Variants in DNAI7 observed in about 807,000 individuals in gnomAD.
DNAI7 encodes the protein dynein axonemal intermediate chain 7.
DNAI7 carries 78 observed loss-of-function variants against 86.6 expected under a neutral mutation model. That is an observed-to-expected ratio of 0.90 (90% CI 0.75 to 1.09). The LOEUF (loss-of-function observed/expected upper bound fraction) is 1.09, where lower values mean the gene tolerates loss of function less well. Ranked by LOEUF, DNAI7 falls within the 50% of genes least tolerant of loss-of-function variation. DNAI7 has a pLI of 0.00. For missense variants in DNAI7, 753 were observed against 810.2 expected, an observed-to-expected ratio of 0.93 and a Z score of 0.86; for synonymous variants, 274 against 273.0, an observed-to-expected ratio of 1.00 and a Z score of -0.04.
intron 2 of DNAI7, among the ~76,000 whole-genome samples, chr12:25,190,009 G>A (rs10842500): frequency 0.23 from 2,172 of 9,348 alleles, 97 homozygotes; most frequent in African/African-American, 0.42. Context: ...AAAAAAAAAA[G>A]CACTTCTAAG....
At chr12:25,111,259 G>A (rs1467088858) in intron 14 of DNAI7, among the ~76,000 whole-genome samples, 1 of 152,192 alleles carries the variant, frequency 6.6e-6, no homozygotes, top group East Asian at 1.9e-4. Context: ...ATTAAGAAAT[G>A]ACCCCCATCC....
intron 12 of DNAI7, 83 bp downstream of exon 12, chr12:25,119,062 A>C: frequency 9.1e-7 from 1 of 1,101,482 alleles, no homozygotes; most frequent in Non-Finnish European, 1.3e-6. Flanking sequence ...TAGTAAGCTC[A>C]GTTAATACAC....
At chr12:25,164,575 A>G (rs1947218521) in intron 2 of DNAI7, among the ~76,000 whole-genome samples, 1 of 152,082 alleles carries the variant, frequency 6.6e-6, no homozygotes, top group Non-Finnish European at 1.5e-5. Context: ...GGCAGTTTCA[A>G]TTTTTCCATC....
At position 25,111,845 on chromosome 12, in the gene DNAI7, A is replaced by G. The variant is rs1938893551; in HGVS notation, c.1706T>C (p.Ile569Thr). The change falls in exon 14 of 16, where the codon ATT becomes ACT. Residue 569 changes from isoleucine to threonine, a missense_variant. Coordinates refer to ENST00000395987, the MANE Select transcript of DNAI7 (RefSeq NM_018272.5). Reference sequence around the variant, plus strand: ...ATTCAGTCCAGCTTCTTTCAAAGCAATAATGAAAGGAATAGGAGTCATCCA... The same window carrying G: ...ATTCAGTCCAGCTTCTTTCAAAGCAGTAATGAAAGGAATAGGAGTCATCCA... ...GTWMTPIPFI[I>T]ALKEAGLNIF... The G allele has an allele frequency of 1.2e-6, 2 of 1,604,288 alleles. No individual in the cohort carries two copies. The highest frequency in any genetic ancestry group is 2.2e-5 in the East Asian group (1 of 44,614).
chr12:25,118,368 A>G (rs946683344), intron 12 of DNAI7, among the ~76,000 whole-genome samples: 6 of 151,068 alleles, frequency 4.0e-5, no homozygotes, highest in Non-Finnish European at 7.4e-5. Flanking sequence ...GGATCAAGCT[A>G]TTCTCCTGCC....
chr12:25,131,277 G>GT (rs1470572684), intron 9 of DNAI7, among the ~76,000 whole-genome samples: 5 of 151,986 alleles, frequency 3.3e-5, no homozygotes, highest in African/African-American at 1.2e-4. Flanking sequence ...AGACAAAAAA[G>GT]TTGAGTATCA....
chr12:25,173,341 T>A (rs1164238798), intron 2 of DNAI7, among the ~76,000 whole-genome samples: 1 of 151,774 alleles, frequency 6.6e-6, no homozygotes, highest in African/African-American at 2.4e-5. Flanking sequence ...AATAAACATA[T>A]GAAAAAATGC....
At chr12:25,157,850 T>G (rs571555133) in intron 4 of DNAI7, among the ~76,000 whole-genome samples, 245 of 147,232 alleles carry the variant, frequency 1.7e-3, no homozygotes, top group Middle Eastern at 7.3e-3. Context: ...TTTTTTTTTT[T>G]TTGTTCCTGT....
At chr12:25,192,407 G>A (rs1950607234) in intron 1 of DNAI7, among the ~76,000 whole-genome samples, 1 of 152,206 alleles carries the variant, frequency 6.6e-6, no homozygotes, top group East Asian at 1.9e-4. Flanking sequence ...TCAAAGTTCA[G>A]AGGGCATAAG....
intron 2 of DNAI7, among the ~76,000 whole-genome samples, chr12:25,187,290 C>A (rs1255352163): frequency 6.6e-6 from 1 of 152,110 alleles, no homozygotes; most frequent in Non-Finnish European, 1.5e-5. Context: ...ATACTCATTC[C>A]CCCAGGTAAT....
In DNAI7 at chr12:25,111,783, T is replaced by C. The variant is rs761728350; in HGVS notation, c.1768A>G (p.Ile590Val). Residue 590 changes from isoleucine to valine, a missense_variant, in exon 14 of 16, where the codon ATA (isoleucine) becomes GTA (valine). Transcript: ENST00000395987. Reference protein sequence around the residue: ...PTRHSHFYVIINNKVPLVEVK... With the variant: ...PTRHSHFYVIVNNKVPLVEVK... Reference sequence around the variant, plus strand: ...AGATTCATTCTTGCCTTATTGTTTATAATAACATAAAAATGAGAGTGTCTA... The same window carrying C: ...AGATTCATTCTTGCCTTATTGTTTACAATAACATAAAAATGAGAGTGTCTA... The C allele has an allele frequency of 2.5e-6, 4 of 1,580,508 alleles. No individual in the cohort carries two copies. The highest frequency in any genetic ancestry group is 1.4e-5 in the African/African-American group (1 of 73,328).
intron 11 of DNAI7, among the ~76,000 whole-genome samples, chr12:25,121,198 G>A (rs1041968260): frequency 6.6e-6 from 1 of 152,174 alleles, no homozygotes; most frequent in Non-Finnish European, 1.5e-5. Flanking sequence ...TGATGCCAGA[G>A]GATGCTGATG....
At chr12:25,129,040 C>A (rs1216989712) in intron 9 of DNAI7, among the ~76,000 whole-genome samples, 1 of 152,186 alleles carries the variant, frequency 6.6e-6, no homozygotes, top group African/African-American at 2.4e-5. Context: ...TTGCTTCTTG[C>A]CCATCATACA....
rs138700755 is a variant in DNAI7, at chr12:25,165,828, C to T, written c.22-4631G>A. Among the ~76,000 whole-genome samples the T allele has an allele frequency of 4.4e-3, 666 of 152,316 alleles. 6 individuals are homozygous for T. Among genetic ancestry groups the T allele is most frequent in the African/African-American group, 0.015 (637 of 41,560 alleles). On this transcript the variant is annotated intron_variant, in intron 2 of 15. Coordinates refer to ENST00000395987, the MANE Select transcript of DNAI7 (RefSeq NM_018272.5). ...GGCTTCTAAACCTCTTAAAACTCCC[C>T]AACTCTGGTGCTAATTTAGACAGTA...
rs528024405 is a variant in DNAI7, at chr12:25,118,794, G to C, written c.1396+351C>G. 1.7e-4 allele frequency among the ~76,000 whole-genome samples: 26 copies of C among 152,286 alleles called. No homozygotes were observed. The East Asian group carries it at 4.8e-3, about 28-fold the overall frequency. On this transcript the variant is annotated intron_variant, in intron 12 of 15. Transcript: ENST00000395987. ...TTGCCCAGGCTGGTCTTAAACTCCTGAGCTCAGGTGATCTGCCCACCTCAG... is the reference window on the plus strand; with the variant it reads ...TTGCCCAGGCTGGTCTTAAACTCCTCAGCTCAGGTGATCTGCCCACCTCAG...
chr12:25,154,633 G>A lies in DNAI7; in HGVS notation c.301-177C>T, dbSNP rs538178897. 2.2e-4 allele frequency among the ~76,000 whole-genome samples: 34 copies of A among 152,276 alleles called. 1 individual carries two copies. Among genetic ancestry groups the A allele is most frequent in the African/African-American group, 7.7e-4 (32 of 41,566 alleles). The stretch of plus-strand genomic sequence containing the variant: ...AATAACCAAGTTCTTCTTTATCCAA[G>A]TAACTTCTAATCCTTAATATTCAGA... On this transcript the variant is annotated intron_variant, in intron 5 of 15. Transcript: ENST00000395987.
At chr12:25,120,153 T>G (rs12228581) in intron 11 of DNAI7, among the ~76,000 whole-genome samples, 17,517 of 151,742 alleles carry the variant, frequency 0.12, 1,352 homozygotes, top group Admixed American at 0.16. Context: ...GAGTGGCAGG[T>G]GATTAGGAAA....
At chr12:25,145,727 G>A (rs528768837) in intron 8 of DNAI7, among the ~76,000 whole-genome samples, 1 of 151,764 alleles carries the variant, frequency 6.6e-6, no homozygotes, top group Non-Finnish European at 1.5e-5. Context: ...CCAGAACCTA[G>A]GCCTCCTAAT....
chr12:25,184,743 A>C (rs1451524090), intron 2 of DNAI7, among the ~76,000 whole-genome samples: 1 of 152,180 alleles, frequency 6.6e-6, no homozygotes, highest in Non-Finnish European at 1.5e-5. Context: ...ATTTTCTTTC[A>C]GCACATTGAA....
Sources: allele counts gnomAD v4.1 joint callset (sites outside exome capture counted in the v4.1 genomes callset), GRCh38; gene constraint gnomAD v4.1.1; transcripts MANE v1.5; gene names NCBI Gene and HGNC (gene_info 2026-07-23, HGNC 2026-07-21).